MAML2: variants seen among roughly 807,000 people sequenced by gnomAD.
The protein encoded by MAML2 is mastermind-like protein 2.
Under a neutral mutation model 96.1 loss-of-function variants are expected in MAML2, and 22 were observed. The observed-to-expected ratio is 0.23, with a 90% confidence interval of 0.16 to 0.33. MAML2 has a LOEUF of 0.33. Among genes scored for constraint, MAML2 ranks in the 10% least tolerant of loss-of-function variants. The pLI is 1.00. For synonymous variants in MAML2, 561 were observed against 521.3 expected (o/e 1.08, Z -1.04); for missense variants, 1,367 against 1,392.4 (o/e 0.98, Z 0.29).
At chr11:96,238,905 C>T (rs1379263015) in intron 1 of MAML2, among the ~76,000 whole-genome samples, 1 of 152,176 alleles carries the variant, frequency 6.6e-6, no homozygotes, top group Non-Finnish European at 1.5e-5. Flanking sequence ...TAAGTAGCCA[C>T]TTTGGGTTTC....
chr11:96,216,585 G>T (rs1043564152), intron 1 of MAML2, among the ~76,000 whole-genome samples: 6 of 152,124 alleles, frequency 3.9e-5, no homozygotes, highest in Non-Finnish European at 8.8e-5. Context: ...GAGTGTCCAG[G>T]CCATGGTGCA....
At chr11:96,233,157 T>C (rs1001770729) in intron 1 of MAML2, among the ~76,000 whole-genome samples, 2 of 152,140 alleles carry the variant, frequency 1.3e-5, no homozygotes, top group African/African-American at 4.8e-5. Context: ...AAAAGCAAGT[T>C]TGAGTGCTAG....
At chr11:95,984,896 A>G (rs1344291695) in intron 4 of MAML2, among the ~76,000 whole-genome samples, 1 of 152,194 alleles carries the variant, frequency 6.6e-6, no homozygotes, top group Non-Finnish European at 1.5e-5. Flanking sequence ...AAGGCAGAGC[A>G]ATATAGGCTG....
At chr11:96,191,531 T>C (rs980428471) in intron 1 of MAML2, among the ~76,000 whole-genome samples, 3 of 150,082 alleles carry the variant, frequency 2.0e-5, no homozygotes, top group East Asian at 2.0e-4. Context: ...TCCCAGCACT[T>C]TGGGAGGCTG....
chr11:96,324,626 C>T (rs1162861596), intron 1 of MAML2, among the ~76,000 whole-genome samples: 1 of 152,092 alleles, frequency 6.6e-6, no homozygotes, highest in Admixed American at 6.5e-5. Flanking sequence ...AAAATCCCAC[C>T]GATTATGAGT....
Position 96,029,369 on chromosome 11 carries a change from AT to A in MAML2, c.2140-37647del, listed in dbSNP as rs543972501. Among the ~76,000 whole-genome samples, 127 of 152,046 alleles carry A rather than the reference AT, an allele frequency of 8.4e-4. 1 individual carries two copies. In the East Asian group the frequency reaches 0.019, roughly 23 times the overall value. On this transcript the variant is annotated intron_variant, in intron 2 of 4. Transcript: ENST00000524717. ...ATCGTAAAAATGTAAAATCTCTTCG[AT>A]TTTTACATTGGGAGACTAGTTTGTC...
At position 96,321,713 on chromosome 11, in the gene MAML2, C is replaced by T. The variant is rs140796813; in HGVS notation, c.513+19670G>A. Among the ~76,000 whole-genome samples, 802 of 152,300 alleles carry T rather than the reference C, an allele frequency of 5.3e-3. 8 individuals carry two copies. The highest frequency in any genetic ancestry group is 0.02 in the South Asian group (95 of 4,832). On this transcript the variant is annotated intron_variant, in intron 1 of 4. Coordinates refer to ENST00000524717, the MANE Select transcript of MAML2 (RefSeq NM_032427.4). ...ACGATTTACTCAGTATACTAGACTG[C>T]CTTCTTTGAGCCATTCTGTTCTGGT...
At chr11:96,101,836 C>T (rs1235499691) in intron 1 of MAML2, among the ~76,000 whole-genome samples, 4 of 152,172 alleles carry the variant, frequency 2.6e-5, no homozygotes, top group African/African-American at 7.2e-5. Context: ...TTTTTCTCCT[C>T]ATCTGTAACA....
At chr11:96,179,025 A>G (rs1021950449) in intron 1 of MAML2, among the ~76,000 whole-genome samples, 2 of 152,216 alleles carry the variant, frequency 1.3e-5, no homozygotes, top group African/African-American at 4.8e-5. Flanking sequence ...ATTAGACGGC[A>G]TCCCGAGAAA....
At chr11:96,303,087 C>T (rs897050795) in intron 1 of MAML2, among the ~76,000 whole-genome samples, 3 of 152,160 alleles carry the variant, frequency 2.0e-5, no homozygotes, top group African/African-American at 7.2e-5. Flanking sequence ...ATGGCCCTGA[C>T]AATTTATAAT....
At chr11:96,156,447 T>G (rs527390388) in intron 1 of MAML2, among the ~76,000 whole-genome samples, 1 of 152,226 alleles carries the variant, frequency 6.6e-6, no homozygotes, top group South Asian at 2.1e-4. Context: ...TAACTCTCAT[T>G]GTTGGGATGG....
At chr11:96,072,956 C>T (rs1316805564) in intron 2 of MAML2, among the ~76,000 whole-genome samples, 3 of 152,146 alleles carry the variant, frequency 2.0e-5, no homozygotes, top group Non-Finnish European at 4.4e-5. Flanking sequence ...AGTCCAAACC[C>T]CTTCTCTTAG....
chr11:96,337,826 T>C (rs1443197168), intron 1 of MAML2, among the ~76,000 whole-genome samples: 1 of 152,246 alleles, frequency 6.6e-6, no homozygotes, highest in African/African-American at 2.4e-5. Context: ...AGTGCTTAAT[T>C]TTTCCTAAAG....
At chr11:96,133,717 G>T (rs1028895608) in intron 1 of MAML2, among the ~76,000 whole-genome samples, 2 of 152,328 alleles carry the variant, frequency 1.3e-5, no homozygotes, top group South Asian at 4.1e-4. Context: ...TTATAGGCCA[G>T]GCATGGGGGC....
chr11:96,153,768 G>C (rs1180904090), intron 1 of MAML2, among the ~76,000 whole-genome samples: 3 of 152,078 alleles, frequency 2.0e-5, no homozygotes, highest in Admixed American at 6.6e-5. Context: ...AAAATTTGCT[G>C]TGTGTGGTGG....
chr11:95,992,907 G>A (rs1448833728), intron 2 of MAML2, among the ~76,000 whole-genome samples: 1 of 151,266 alleles, frequency 6.6e-6, no homozygotes, highest in Admixed American at 6.6e-5. Context: ...AAGAGACAGA[G>A]TCTCACTCTA....
intron 2 of MAML2, among the ~76,000 whole-genome samples, chr11:95,992,199 T>G (rs1281752180): frequency 6.6e-6 from 1 of 152,216 alleles, no homozygotes; most frequent in East Asian, 1.9e-4. Flanking sequence ...TACCCAGCTT[T>G]CTGTGACAGA....
intron 2 of MAML2, among the ~76,000 whole-genome samples, chr11:96,019,477 T>C (rs995503447): frequency 3.3e-5 from 5 of 151,896 alleles, no homozygotes; most frequent in African/African-American, 1.2e-4. Context: ...GCTCCAAAAA[T>C]CACAGACAAG....
intron 1 of MAML2, among the ~76,000 whole-genome samples, chr11:96,118,612 G>A (rs1860284490): frequency 6.6e-6 from 1 of 152,160 alleles, no homozygotes; most frequent in Non-Finnish European, 1.5e-5. Context: ...CTCAATAAAT[G>A]TTTGTTGAAC....
Sources: gnomAD v4.1 joint callset for allele counts (sites outside exome capture counted in the v4.1 genomes callset) on GRCh38, gnomAD v4.1.1 for gene constraint, MANE v1.5 for transcripts, NCBI Gene and HGNC (gene_info 2026-07-23, HGNC 2026-07-21) for gene names.